Variants in GPM6A observed in about 807,000 individuals in gnomAD.
The protein encoded by GPM6A is glycoprotein M6A.
A neutral mutation model predicts 32.1 loss-of-function variants in GPM6A; 7 were observed. The ratio of observed to expected loss-of-function variants is 0.22; its 90% CI spans 0.12 to 0.41. The LOEUF (loss-of-function observed/expected upper bound fraction) is 0.41, where lower values mean the gene tolerates loss of function less well. GPM6A is among the 10% of genes least tolerant of loss of function. GPM6A has a pLI of 1.00. For missense variants in GPM6A, 235 were observed against 347.2 expected (o/e 0.68, Z 2.57); for synonymous variants, 130 against 123.4 (o/e 1.05, Z -0.35).
chr4:175,968,470 G>C (rs1445708484), intron 1 of GPM6A, among the ~76,000 whole-genome samples: 1 of 152,132 alleles, frequency 6.6e-6, no homozygotes, highest in South Asian at 2.1e-4. Context: ...AAAAGATGCT[G>C]TAAAGAGAAT....
chr4:175,959,053 T>C (rs768374832), intron 1 of GPM6A, among the ~76,000 whole-genome samples: 71 of 152,258 alleles, frequency 4.7e-4, no homozygotes, highest in Non-Finnish European at 8.2e-4. Flanking sequence ...AAAAACCCTA[T>C]AGTTACAATA....
At chr4:175,824,645 T>A (rs1465454572) in intron 1 of GPM6A, among the ~76,000 whole-genome samples, 1 of 152,208 alleles carries the variant, frequency 6.6e-6, no homozygotes, top group African/African-American at 2.4e-5. Context: ...AAAGTGAGAC[T>A]GACGTTGAAC....
At chr4:175,804,709 A>G (rs191688157) in intron 1 of GPM6A, among the ~76,000 whole-genome samples, 19 of 152,300 alleles carry the variant, frequency 1.2e-4, no homozygotes, top group Admixed American at 3.3e-4. Flanking sequence ...CTGATGTTCA[A>G]TAACGAAACT....
At chr4:175,858,577 T>C (rs1203024768) in intron 1 of GPM6A, among the ~76,000 whole-genome samples, 2 of 150,364 alleles carry the variant, frequency 1.3e-5, no homozygotes, top group East Asian at 1.9e-4. Flanking sequence ...CATAACCAAG[T>C]GCTGGTGAGG....
intron 3 of GPM6A, among the ~76,000 whole-genome samples, chr4:175,658,926 T>A (rs1225335899): frequency 6.6e-6 from 1 of 152,166 alleles, no homozygotes. Context: ...AATAAAATGA[T>A]CTGTGAAACA....
intron 1 of GPM6A, among the ~76,000 whole-genome samples, chr4:175,762,968 T>C (rs973331645): frequency 6.6e-6 from 1 of 152,110 alleles, no homozygotes; most frequent in African/African-American, 2.4e-5. Flanking sequence ...TCTGGAGTAA[T>C]AAAAATGTTC....
upstream of GPM6A, among the ~76,000 whole-genome samples, chr4:175,814,087 G>A (rs1268299977): frequency 6.6e-6 from 1 of 152,150 alleles, no homozygotes; most frequent in Non-Finnish European, 1.5e-5. Flanking sequence ...ACACAGAACG[G>A]AGCAACGCTC....
chr4:175,885,918 G>T (rs537686891), intron 1 of GPM6A, among the ~76,000 whole-genome samples: 7 of 152,204 alleles, frequency 4.6e-5, no homozygotes, highest in African/African-American at 1.7e-4. Flanking sequence ...AATTTACACA[G>T]ACCACATAAG....
chr4:175,864,584 A>G (rs1736673480), intron 1 of GPM6A, among the ~76,000 whole-genome samples: 1 of 152,154 alleles, frequency 6.6e-6, no homozygotes, highest in Non-Finnish European at 1.5e-5. Flanking sequence ...TATGTTTTCT[A>G]TGGCCAAACT....
chr4:175,674,834 A>G (rs1325681288), intron 2 of GPM6A, among the ~76,000 whole-genome samples: 9 of 152,130 alleles, frequency 5.9e-5, no homozygotes. Context: ...AAGATATGGC[A>G]TACTTTTATA....
At chr4:175,782,467 C>T (rs534625788) in intron 1 of GPM6A, among the ~76,000 whole-genome samples, 2 of 152,198 alleles carry the variant, frequency 1.3e-5, no homozygotes, top group Admixed American at 6.5e-5. Flanking sequence ...GGTGCTATGT[C>T]ATGTCTTCCT....
chr4:175,700,785 A>C (rs1230505942), intron 2 of GPM6A, among the ~76,000 whole-genome samples: 1 of 152,204 alleles, frequency 6.6e-6, no homozygotes. Flanking sequence ...AAACTAATAA[A>C]TTATTTTCTT....
At chr4:175,684,147 A>T (rs1216737529) in intron 2 of GPM6A, among the ~76,000 whole-genome samples, 1 of 152,132 alleles carries the variant, frequency 6.6e-6, no homozygotes, top group East Asian at 1.9e-4. Flanking sequence ...TTTAATATAT[A>T]TACATTATTC....
chr4:175,680,142 T>G (rs2111004120), intron 2 of GPM6A, among the ~76,000 whole-genome samples: 1 of 152,306 alleles, frequency 6.6e-6, no homozygotes, highest in Non-Finnish European at 1.5e-5. Context: ...TGTACATGTA[T>G]GTGTGTTCAT....
intron 1 of GPM6A, chr4:176,002,247 A>G (rs1424210088): frequency 6.5e-6 from 10 of 1,533,644 alleles, no homozygotes; most frequent in South Asian, 2.3e-5. Context: ...TTTTCTTTCT[A>G]TAATGCCCAT....
At chr4:175,948,390 G>T (rs1739683678) in intron 1 of GPM6A, among the ~76,000 whole-genome samples, 1 of 152,104 alleles carries the variant, frequency 6.6e-6, no homozygotes, top group South Asian at 2.1e-4. Flanking sequence ...GCCATCTGTG[G>T]GCCGGGAGGA....
intron 1 of GPM6A, among the ~76,000 whole-genome samples, chr4:175,958,825 C>G (rs1353715939): frequency 6.6e-6 from 1 of 152,226 alleles, no homozygotes; most frequent in Non-Finnish European, 1.5e-5. Flanking sequence ...ACAGTTTACA[C>G]TCTTACTGCT....
intron 1 of GPM6A, chr4:175,798,789 T>A (rs1442110102): frequency 1.3e-5 from 2 of 152,194 alleles, no homozygotes; most frequent in Non-Finnish European, 2.9e-5. Context: ...AATTGAAATG[T>A]AAAGATATTT....
intron 1 of GPM6A, among the ~76,000 whole-genome samples, chr4:175,917,308 C>T (rs917762823): frequency 1.3e-5 from 2 of 151,992 alleles, no homozygotes. Flanking sequence ...AGATGCTCTC[C>T]CCATTTTAAC....
Sources: gnomAD v4.1 joint callset for allele counts (sites outside exome capture counted in the v4.1 genomes callset) on GRCh38, gnomAD v4.1.1 for gene constraint, MANE v1.5 for transcripts, NCBI Gene and HGNC (gene_info 2026-07-23, HGNC 2026-07-21) for gene names.